EEPD1: variants seen among roughly 807,000 people sequenced by gnomAD.
The protein encoded by EEPD1 is endonuclease/exonuclease/phosphatase family domain containing 1.
EEPD1 carries 17 observed loss-of-function variants against 46.3 expected under a neutral mutation model. The observed-to-expected ratio is 0.37, with a 90% CI of 0.25 to 0.55. EEPD1 has a LOEUF of 0.55. EEPD1 is among the 20% of genes least tolerant of loss of function. The pLI is 0.83. For missense variants in EEPD1, 673 were observed against 745.6 expected (o/e 0.90, Z 1.13); for synonymous variants, 313 against 315.6 (o/e 0.99, Z 0.09).
chr7:36,183,894 TA>T (rs1785318497), intron 2 of EEPD1, among the ~76,000 whole-genome samples: 1 of 149,714 alleles, frequency 6.7e-6, no homozygotes, highest in African/African-American at 2.4e-5. Context: ...TTTTTATTTT[TA>T]AAAAAATGTG....
At chr7:36,170,581 T>C (rs1785061334) in intron 2 of EEPD1, among the ~76,000 whole-genome samples, 2 of 135,776 alleles carry the variant, frequency 1.5e-5, no homozygotes, top group African/African-American at 5.6e-5. Context: ...TTTTTTTTTT[T>C]TCAGAGCTCC....
intron 7 of EEPD1, among the ~76,000 whole-genome samples, chr7:36,297,473 T>C (rs1175968901): frequency 6.6e-6 from 1 of 152,178 alleles, no homozygotes; most frequent in Non-Finnish European, 1.5e-5. Flanking sequence ...TAAATCCTCA[T>C]TTTTCAAAGT....
chr7:36,256,755 A>G (rs1786834316), intron 3 of EEPD1, among the ~76,000 whole-genome samples: 1 of 151,906 alleles, frequency 6.6e-6, no homozygotes, highest in Admixed American at 6.6e-5. Flanking sequence ...CAGCACATTG[A>G]TGGGTCTTGG....
chr7:36,178,005 C>T (rs908975865), intron 2 of EEPD1, among the ~76,000 whole-genome samples: 1 of 152,140 alleles, frequency 6.6e-6, no homozygotes, highest in Non-Finnish European at 1.5e-5. Context: ...TGAGCCACCG[C>T]GCCTGGCACC....
At chr7:36,172,820 T>A (rs886832452) in intron 2 of EEPD1, among the ~76,000 whole-genome samples, 2 of 148,336 alleles carry the variant, frequency 1.3e-5, no homozygotes, top group African/African-American at 5.0e-5. Context: ...AAAAAAAGGA[T>A]CATGGAAACC....
intron 3 of EEPD1, among the ~76,000 whole-genome samples, chr7:36,269,247 T>C (rs1787067003): frequency 1.3e-5 from 2 of 152,198 alleles, no homozygotes; most frequent in African/African-American, 4.8e-5. Context: ...AAAGAACCAC[T>C]TTATTATAAA....
At position 36,236,384 on chromosome 7, in the gene EEPD1, C is replaced by T. The variant is rs543781471; in HGVS notation, c.879-2601C>T. 2.0e-5 allele frequency among the ~76,000 whole-genome samples: 3 copies of T among 152,370 alleles called. 1 individual carries two copies. The South Asian group carries it at 6.2e-4, about 32-fold the overall frequency. ...CCGCACTAGGCGCCGCCGGCCGGCA[C>T]TTGCTGGGCTTGATCGGAGGCTGAA... On this transcript the variant is annotated intron_variant, in intron 2 of 7. Transcript: ENST00000242108.
At chr7:36,155,927 G>C (rs1784817666) in intron 2 of EEPD1, among the ~76,000 whole-genome samples, 1 of 152,180 alleles carries the variant, frequency 6.6e-6, no homozygotes, top group Non-Finnish European at 1.5e-5. Context: ...ACTGCTCTCT[G>C]TAGGAATTTC....
At chr7:36,220,612 C>A (rs115238085) in intron 2 of EEPD1, among the ~76,000 whole-genome samples, 1 of 152,112 alleles carries the variant, frequency 6.6e-6, no homozygotes, top group Non-Finnish European at 1.5e-5. Context: ...CATTTGGCCC[C>A]GTTGTCCTCA....
intron 6 of EEPD1, among the ~76,000 whole-genome samples, chr7:36,290,647 C>T (rs149350088): frequency 6.6e-6 from 1 of 152,184 alleles, no homozygotes; most frequent in African/African-American, 2.4e-5. Context: ...AACCTTCTTC[C>T]CTCAGACCTC....
At chr7:36,272,157 A>C (rs1787116803) in intron 3 of EEPD1, among the ~76,000 whole-genome samples, 1 of 151,514 alleles carries the variant, frequency 6.6e-6, no homozygotes, top group South Asian at 2.1e-4. Flanking sequence ...TGCTAGGATT[A>C]CAGGCATGAA....
intron 2 of EEPD1, among the ~76,000 whole-genome samples, chr7:36,234,774 G>A (rs67061364): frequency 0.25 from 37,300 of 152,022 alleles, 4,708 homozygotes; most frequent in East Asian, 0.36. Context: ...GTTGCTGGAG[G>A]TGGAGAGGAA....
intron 2 of EEPD1, among the ~76,000 whole-genome samples, chr7:36,215,174 A>G (rs890660443): frequency 6.6e-6 from 1 of 152,156 alleles, no homozygotes; most frequent in South Asian, 2.1e-4. Context: ...CTGTTGCTTA[A>G]CGATAACCAG....
At chr7:36,227,364 C>T (rs756309229) in intron 2 of EEPD1, among the ~76,000 whole-genome samples, 108 of 152,306 alleles carry the variant, frequency 7.1e-4, no homozygotes, top group Non-Finnish European at 1.2e-3. Flanking sequence ...TGCTGACATC[C>T]TAATCCCGCA....
intron 3 of EEPD1, among the ~76,000 whole-genome samples, chr7:36,264,376 T>A (rs777603602): frequency 6.6e-6 from 1 of 152,182 alleles, no homozygotes; most frequent in Non-Finnish European, 1.5e-5. Flanking sequence ...CTTAACTACT[T>A]CAGCCCTGCA....
intron 2 of EEPD1, among the ~76,000 whole-genome samples, chr7:36,204,561 C>T (rs1011590492): frequency 2.0e-5 from 3 of 152,146 alleles, no homozygotes; most frequent in African/African-American, 4.8e-5. Context: ...CTGACCTTCC[C>T]TTAGGGTGCC....
Position 36,225,075 on chromosome 7 carries a change from G to A in EEPD1, c.879-13910G>A, listed in dbSNP as rs62445442. 0.022 allele frequency among the ~76,000 whole-genome samples: 3,329 copies of A among 151,940 alleles called. 71 individuals carry two copies. The highest frequency in any genetic ancestry group is 0.047 in the Admixed American group (714 of 15,248). ...CAAAAAAAAAATAGGCTCTCCTCTC[G>A]AGCCTCCAGAGGGAGTGCGGCCATT... On this transcript the variant is annotated intron_variant, in intron 2 of 7. Transcript: ENST00000242108. The surrounding 1 kb of genome is among the most constrained non-coding windows in gnomAD (Gnocchi z 4.2).
intron 3 of EEPD1, among the ~76,000 whole-genome samples, chr7:36,239,987 T>C (rs969757945): frequency 6.6e-6 from 1 of 152,194 alleles, no homozygotes; most frequent in Non-Finnish European, 1.5e-5. Flanking sequence ...TTTAAAATAT[T>C]TGAGGGGGCT....
intron 3 of EEPD1, among the ~76,000 whole-genome samples, chr7:36,247,312 G>A (rs1786657590): frequency 6.6e-6 from 1 of 152,136 alleles, no homozygotes; most frequent in Non-Finnish European, 1.5e-5. Context: ...GCTTGTGTCT[G>A]TAATTGGTGA....
Sources: allele counts gnomAD v4.1 joint callset (sites outside exome capture counted in the v4.1 genomes callset), GRCh38; gene constraint gnomAD v4.1.1; non-coding constraint Gnocchi (gnomAD v3.1); transcripts MANE v1.5; gene names NCBI Gene and HGNC (gene_info 2026-07-23, HGNC 2026-07-21).